Variants in TUSC3 observed in about 807,000 individuals in gnomAD.
TUSC3 encodes dolichyl-diphosphooligosaccharide--protein glycosyltransferase subunit TUSC3.
Under a neutral mutation model 44.8 loss-of-function variants are expected in TUSC3, and 45 were observed. That is an observed-to-expected ratio of 1.00 (90% CI 0.79 to 1.29). The LOEUF is 1.29. Among genes scored for constraint, TUSC3 ranks in the 50% most tolerant of loss-of-function variants. The pLI is 0.00. For missense variants in TUSC3, 519 were observed against 437.9 expected (o/e 1.19, Z -1.65); for synonymous variants, 212 against 152.9 (o/e 1.39, Z -2.85).
intron 1 of TUSC3, among the ~76,000 whole-genome samples, chr8:15,566,342 G>C (rs1303899283): frequency 1.3e-5 from 2 of 152,056 alleles, no homozygotes; most frequent in Non-Finnish European, 2.9e-5. Flanking sequence ...CTCAGAAACG[G>C]ATTTTAGTGG....
chr8:15,738,705 G>A (rs147732885), intron 7 of TUSC3, among the ~76,000 whole-genome samples: 1 of 151,396 alleles, frequency 6.6e-6, no homozygotes, highest in African/African-American at 2.4e-5. Flanking sequence ...TTCATTCCCT[G>A]CAATCATTTC....
chr8:15,669,875 TG>T (rs929781991), intron 5 of TUSC3, among the ~76,000 whole-genome samples: 1 of 151,630 alleles, frequency 6.6e-6, no homozygotes, highest in African/African-American at 2.4e-5. Flanking sequence ...AAAATAAAAT[TG>T]CCCTCCTTAG....
intron 1 of TUSC3, among the ~76,000 whole-genome samples, chr8:15,424,063 T>C (rs1009156072): frequency 1.4e-5 from 2 of 140,732 alleles, no homozygotes; most frequent in Admixed American, 7.6e-5. Context: ...CTATCTTGGC[T>C]CACTGCAACC....
intron 2 of TUSC3, among the ~76,000 whole-genome samples, chr8:15,500,359 C>A (rs764683037): frequency 3.3e-4 from 50 of 152,270 alleles, no homozygotes; most frequent in Admixed American, 6.5e-5. Flanking sequence ...TGTTTTCAAC[C>A]TAAATTACCA....
At chr8:15,436,067 A>T (rs145558062) in intron 1 of TUSC3, among the ~76,000 whole-genome samples, 1 of 152,164 alleles carries the variant, frequency 6.6e-6, no homozygotes, top group Non-Finnish European at 1.5e-5. Flanking sequence ...AAGATCGCTC[A>T]TTCACATACC....
At chr8:15,634,627 C>T (rs1352908429) in intron 2 of TUSC3, among the ~76,000 whole-genome samples, 1 of 152,162 alleles carries the variant, frequency 6.6e-6, no homozygotes, top group Non-Finnish European at 1.5e-5. Context: ...AGAGCTGCAC[C>T]AGTGTGTTTT....
chr8:15,790,640 C>T, the TUSC3 span, among the ~76,000 whole-genome samples: 19 of 152,116 alleles, frequency 1.2e-4, no homozygotes, highest in African/African-American at 4.6e-4. Flanking sequence ...CTGCCAGTCT[C>T]CTACCTCACA....
chr8:15,555,047 T>G (rs141899075), intron 1 of TUSC3, among the ~76,000 whole-genome samples: 1 of 151,068 alleles, frequency 6.6e-6, no homozygotes, highest in Non-Finnish European at 1.5e-5. Context: ...ATTATAGATA[T>G]AGAGAATGTA....
intron 1 of TUSC3, among the ~76,000 whole-genome samples, chr8:15,571,823 A>T (rs1802889288): frequency 6.6e-6 from 1 of 152,164 alleles, no homozygotes. Context: ...CTTTTGAGTG[A>T]CCAGGTGCTT....
chr8:15,488,798 G>C (rs1800768627), intron 2 of TUSC3, among the ~76,000 whole-genome samples: 1 of 152,148 alleles, frequency 6.6e-6, no homozygotes, highest in African/African-American at 2.4e-5. Flanking sequence ...ACGGTGCCTT[G>C]ATCTTAGACT....
intron 2 of TUSC3, among the ~76,000 whole-genome samples, chr8:15,494,577 A>G (rs11996187): frequency 0.11 from 16,048 of 152,174 alleles, 949 homozygotes; most frequent in South Asian, 0.23. Flanking sequence ...TCAGCTTCCC[A>G]AAGTGCTGGG....
intron 2 of TUSC3, among the ~76,000 whole-genome samples, chr8:15,649,958 T>C (rs1806815632): frequency 1.3e-5 from 2 of 152,244 alleles, no homozygotes; most frequent in Admixed American, 1.3e-4. Flanking sequence ...TTATTTCTAT[T>C]ACTGCATTTA....
chr8:15,649,391 T>G (rs905924160), intron 2 of TUSC3, among the ~76,000 whole-genome samples: 1 of 152,028 alleles, frequency 6.6e-6, no homozygotes, highest in South Asian at 2.1e-4. Context: ...GAGACCATCC[T>G]GGCTAACACG....
At chr8:15,486,423 C>G (rs1018300194) in intron 2 of TUSC3, among the ~76,000 whole-genome samples, 4 of 152,068 alleles carry the variant, frequency 2.6e-5, no homozygotes, top group African/African-American at 4.8e-5. Flanking sequence ...CTATAATTCT[C>G]AAGAATAATC....
chr8:15,843,504 A>G, the TUSC3 span, among the ~76,000 whole-genome samples: 10 of 151,786 alleles, frequency 6.6e-5, no homozygotes, highest in African/African-American at 2.2e-4. Context: ...AGGCAGTTGG[A>G]TAGAAGAGAT....
the TUSC3 span, among the ~76,000 whole-genome samples, chr8:15,819,320 T>C: frequency 1.3e-5 from 2 of 152,210 alleles, no homozygotes; most frequent in Non-Finnish European, 2.9e-5. Context: ...TTTTACAGAA[T>C]TAAAATACTA....
chr8:15,710,732 A>C (rs1360181579), intron 6 of TUSC3, among the ~76,000 whole-genome samples: 1 of 151,444 alleles, frequency 6.6e-6, no homozygotes, highest in African/African-American at 2.4e-5. Context: ...ATATATAGGC[A>C]TAAAAATGCA....
At chr8:15,579,007 C>T (rs1457939033) in intron 1 of TUSC3, among the ~76,000 whole-genome samples, 5 of 151,868 alleles carry the variant, frequency 3.3e-5, no homozygotes, top group Non-Finnish European at 5.9e-5. Context: ...TGTTATTGGT[C>T]TATTCAGAGA....
rs545005240 is a variant in TUSC3 at position 15,423,085 on chromosome 8, T to C, written n.91+5780T>C. On this transcript the variant is annotated intron_variant and non_coding_transcript_variant, in intron 1 of 5. Transcript: ENST00000503191. ...CTATCAAAACATGAGGTGGAAATGT[T>C]AAAAGTTTTTTTTAAGAAAAAAGTG... 3.2e-4 allele frequency among the ~76,000 whole-genome samples: 48 copies of C among 152,278 alleles called. 2 individuals carry two copies. In the South Asian group the frequency reaches 9.1e-3, roughly 29 times the overall value.
Sources: gnomAD v4.1 joint callset for allele counts (sites outside exome capture counted in the v4.1 genomes callset) on GRCh38, gnomAD v4.1.1 for gene constraint, MANE v1.5 for transcripts, NCBI Gene and HGNC (gene_info 2026-07-23, HGNC 2026-07-21) for gene names.